CTTN: variants seen among roughly 807,000 people sequenced by gnomAD.
The protein encoded by CTTN is cortactin.
CTTN carries 28 observed loss-of-function variants against 84.0 expected under a neutral mutation model. The observed-to-expected ratio is 0.33, with a 90% CI of 0.25 to 0.46. The LOEUF (loss-of-function observed/expected upper bound fraction) is 0.46, where lower values mean the gene tolerates loss of function less well. CTTN is among the 20% of genes least tolerant of loss of function. CTTN has a pLI of 1.00. For synonymous variants in CTTN, 301 were observed against 288.8 expected (o/e 1.04, Z -0.43); for missense variants, 641 against 723.8 (o/e 0.89, Z 1.31).
chr11:70,417,003 G>A lies in CTTN; in HGVS notation c.458-10G>A, dbSNP rs750025515. The A allele has an allele frequency of 6.2e-7, 1 of 1,611,136 alleles. No homozygotes were observed. Among genetic ancestry groups the A allele is most frequent in the East Asian group, 2.2e-5 (1 of 44,868 alleles). On this transcript the variant is annotated splice_polypyrimidine_tract_variant and intron_variant, in intron 7 of 17. Coordinates refer to ENST00000301843, the MANE Select transcript of CTTN (RefSeq NM_005231.4). ...AGGCCCCCGTGCTAATTGCTGCCCT[G>A]TCTCTCCAGACTACTCCAGTGGTTT...
In CTTN at chr11:70,433,663, T is replaced by A. The variant is rs767177496; in HGVS notation, c.1461T>A (p.Asp487Glu). Residue 487 changes from aspartate to glutamate, a missense_variant, in exon 17 of 18, where the codon GAT becomes GAA. Transcript: ENST00000301843. Reference protein sequence around the residue: ...GHYPAEDSTYDEYENDLGITA... With the variant: ...GHYPAEDSTYEEYENDLGITA... ...TTCTTTTAGAGGACAGCACCTACGA[T>A]GAGTACGAGAACGATCTGGGGATCA... is the stretch of plus-strand genomic sequence containing the variant. 10 of 1,613,344 alleles carry A rather than the reference T, an allele frequency of 6.2e-6. No homozygotes were observed. Among genetic ancestry groups the A allele is most frequent in the Middle Eastern group, 3.3e-4 (2 of 6,058 alleles).
chr11:70,406,682 G>C (rs567618218), intron 2 of CTTN, among the ~76,000 whole-genome samples: 2 of 152,320 alleles, frequency 1.3e-5, no homozygotes, highest in East Asian at 3.9e-4. Context: ...AGAGCTGCCT[G>C]ATAGAGGAAA....
chr11:70,420,000 C>A, intron 9 of CTTN, 144 bp downstream of exon 9: 1 of 662,534 alleles, frequency 1.5e-6, no homozygotes, highest in Non-Finnish European at 2.6e-6. Context: ...TTGAAAACGG[C>A]ACATCCAGAA....
Position 70,436,532 on chromosome 11 carries a change from AT to A in CTTN, c.*1377del, listed in dbSNP as rs1261468551. The A allele has an allele frequency of 6.3e-6, 5 of 789,896 alleles. No individual in the cohort carries two copies. The highest frequency in any genetic ancestry group is 1.7e-5 in the African/African-American group (1 of 57,288). 48.9% of individuals were successfully genotyped at this position (789,896 alleles called of 1,614,324 possible). On this transcript the variant is annotated 3_prime_UTR_variant, in exon 18 of 18. Transcript: ENST00000301843. ...TCCTGTAGCACACCTCATAGGTATG[AT>A]TTTTTTAAATTAAAGAATTCAGAAT... is the stretch of plus-strand genomic sequence containing the variant.
rs529425192 is a variant in CTTN, at chr11:70,434,740, C to T, written c.1517-286C>T. Among the ~76,000 whole-genome samples the T allele has an allele frequency of 4.6e-5, 7 of 152,314 alleles. No homozygotes were observed. In the South Asian group the frequency reaches 6.2e-4, roughly 14 times the overall value. ...CAGAGAGAGGGGAAGGGAGGGCAGGCGGGGCTGGAGTTATGTGGTGGAAAC... is the reference window on the plus strand; with the variant it reads ...CAGAGAGAGGGGAAGGGAGGGCAGGTGGGGCTGGAGTTATGTGGTGGAAAC... On this transcript the variant is annotated intron_variant, in intron 17 of 17. Coordinates refer to ENST00000301843, the MANE Select transcript of CTTN (RefSeq NM_005231.4).
At chr11:70,431,717 C>T (rs987619858) in intron 15 of CTTN, among the ~76,000 whole-genome samples, 1 of 152,172 alleles carries the variant, frequency 6.6e-6, no homozygotes, top group African/African-American at 2.4e-5. Flanking sequence ...CCATTCAGCT[C>T]TCCAGCCTTG....
intron 4 of CTTN, chr11:70,408,439 C>T (rs960121833): frequency 3.3e-5 from 5 of 152,122 alleles, no homozygotes; most frequent in African/African-American, 4.8e-5. Flanking sequence ...ACTCTGTCAC[C>T]CAGGCTGGAG....
intron 12 of CTTN, 95 bp from the exon 13 acceptor site, chr11:70,425,237 G>T: frequency 1.0e-6 from 1 of 962,406 alleles, no homozygotes; most frequent in Non-Finnish European, 1.6e-6. Context: ...CCTTTGGGAA[G>T]ATCTGGGGAA....
intron 2 of CTTN, among the ~76,000 whole-genome samples, chr11:70,405,698 T>C (rs758281568): frequency 1.1e-4 from 16 of 151,592 alleles, no homozygotes; most frequent in Non-Finnish European, 1.6e-4. Flanking sequence ...CGCTCGCTGG[T>C]GAAGCTGTGT....
intron 13 of CTTN, among the ~76,000 whole-genome samples, chr11:70,425,761 C>T (rs553912220): frequency 1.3e-5 from 2 of 152,294 alleles, no homozygotes; most frequent in South Asian, 4.1e-4. Context: ...GCAGCTGTGA[C>T]AGGAGGAAGA....
At chr11:70,416,035 C>T (rs1338867868) in intron 7 of CTTN, 5 of 329,356 alleles carry the variant, frequency 1.5e-5, no homozygotes, top group Non-Finnish European at 2.3e-5. Flanking sequence ...CAGCGCTCCT[C>T]CTGGAAAAGA....
chr11:70,408,130 GT>G (rs918856320), intron 4 of CTTN: 21 of 149,418 alleles, frequency 1.4e-4, no homozygotes, highest in Admixed American at 1.3e-4. Context: ...TCTTGGGGCA[GT>G]TTTTTTTTTC....
intron 4 of CTTN, 40 bp downstream of exon 4, chr11:70,407,631 C>T (rs770585892): frequency 1.6e-5 from 25 of 1,588,876 alleles, no homozygotes; most frequent in South Asian, 4.4e-5. Flanking sequence ...GGCCCCTCTG[C>T]GGATGGAGCC....
rs143700140 is a variant in CTTN at position 70,433,258 on chromosome 11, C to G, written c.1424C>G (p.Ala475Gly). The part of the protein sequence containing the change: ...ATEAVYESAE[A>G]PGHYPAEDST... ...GAGGCTGTCTATGAAAGCGCAGAGG[C>G]CCCGGGCCACTATCCCGCAGGTACT... is the stretch of plus-strand genomic sequence containing the variant. Residue 475 changes from alanine to glycine, a missense_variant, in exon 16 of 18, where the codon GCC becomes GGC. Physicochemically the swap from Ala to Gly is moderately conservative, Grantham distance 60. Around this residue, in one of 3 missense-constraint regions of CTTN, gnomAD observed 289 missense variants for 273.1 expected, o/e 1.06. Coordinates refer to ENST00000301843, the MANE Select transcript of CTTN (RefSeq NM_005231.4). 1.2e-6 allele frequency: 2 copies of G among 1,611,504 alleles called. No homozygotes were observed. Among genetic ancestry groups the G allele is most frequent in the South Asian group, 1.1e-5 (1 of 91,018 alleles).
chr11:70,414,161 C>T (rs904564482), intron 5 of CTTN, among the ~76,000 whole-genome samples: 11 of 152,124 alleles, frequency 7.2e-5, no homozygotes, highest in African/African-American at 1.9e-4. Flanking sequence ...CTGGCTAACA[C>T]GGTGAAACCC....
At chr11:70,399,563 C>A (rs886647618) in intron 1 of CTTN, among the ~76,000 whole-genome samples, 1 of 152,090 alleles carries the variant, frequency 6.6e-6, no homozygotes, top group African/African-American at 2.4e-5. Context: ...AAATTTGGAA[C>A]CGTCCCTCCT....
intron 4 of CTTN, chr11:70,408,141 C>G (rs1172142132): frequency 6.6e-6 from 1 of 150,694 alleles, no homozygotes; most frequent in Non-Finnish European, 1.5e-5. Context: ...TTTTTTTTTT[C>G]GTCAGAAAGT....
In CTTN at chr11:70,433,725, G is replaced by A. The variant is rs766153640; in HGVS notation, c.1516+7G>A. The A allele has an allele frequency of 2.0e-5, 33 of 1,609,998 alleles. No homozygotes were observed. Among genetic ancestry groups the A allele is most frequent in the South Asian group, 3.3e-5 (3 of 90,996 alleles). On this transcript the variant is annotated splice_region_variant and intron_variant, in intron 17 of 17. Transcript: ENST00000301843. Reference sequence around the variant, plus strand: ...CTGTACGACTACCAGGCTGGTGAGCGGCCTGCAAAAGCACTTGGAGGGGAG... The same window carrying A: ...CTGTACGACTACCAGGCTGGTGAGCAGCCTGCAAAAGCACTTGGAGGGGAG...
At chr11:70,431,112 C>T (rs1307775755) in intron 14 of CTTN, 79 bp from the exon 15 acceptor site, 5 of 1,429,616 alleles carry the variant, frequency 3.5e-6, no homozygotes, top group South Asian at 2.3e-5. Context: ...AGCTTGCACA[C>T]GATCTTCTGA....
Sources: allele counts gnomAD v4.1 joint callset (sites outside exome capture counted in the v4.1 genomes callset), GRCh38; gene constraint gnomAD v4.1.1; regional missense constraint gnomAD v4.1.1; transcripts MANE v1.5; gene names NCBI Gene and HGNC (gene_info 2026-07-23, HGNC 2026-07-21).